DICER1: variants seen among roughly 807,000 people sequenced by gnomAD.
DICER1 encodes the protein endoribonuclease Dicer.
Under a neutral mutation model 194.1 loss-of-function variants are expected in DICER1, and 43 were observed. The ratio of observed to expected loss-of-function variants is 0.22; its 90% confidence interval spans 0.17 to 0.29. DICER1 has a LOEUF of 0.29. DICER1 is among the 10% of genes least tolerant of loss of function. The pLI, the probability that DICER1 is intolerant of heterozygous loss-of-function variation, is 1.00. For missense variants in DICER1, 1,608 were observed against 2,317.0 expected, an observed-to-expected ratio of 0.69 and a Z score of 6.28; for synonymous variants, 832 against 820.5, an observed-to-expected ratio of 1.01 and a Z score of -0.24.
intron 15 of DICER1, 52 bp from the exon 16 acceptor site, chr14:95,108,145 C>T (rs772362287): frequency 1.4e-6 from 2 of 1,436,238 alleles, no homozygotes; most frequent in Non-Finnish European, 2.0e-6. Context: ...GTATTTTATT[C>T]CATTACAGTT....
At chr14:95,112,022 C>A in intron 13 of DICER1, 150 bp downstream of exon 13, 1 of 716,384 alleles carries the variant, frequency 1.4e-6, no homozygotes, top group Non-Finnish European at 2.5e-6. Context: ...AAGTTACTAA[C>A]ACTTATGTTT....
intron 24 of DICER1, among the ~76,000 whole-genome samples, chr14:95,091,854 A>AT (rs1472715230): frequency 4.6e-5 from 7 of 152,222 alleles, no homozygotes; most frequent in South Asian, 2.1e-4. Flanking sequence ...TATTTGAAAG[A>AT]TTTTTTCCTC....
At chr14:95,139,618 T>C (rs932047914) in intron 1 of DICER1, among the ~76,000 whole-genome samples, 1 of 152,242 alleles carries the variant, frequency 6.6e-6, no homozygotes, top group Admixed American at 6.5e-5. Flanking sequence ...CAATGTTCTG[T>C]ATATACATTT....
At chr14:95,148,685 A>T (rs1457750766) in intron 1 of DICER1, among the ~76,000 whole-genome samples, 1 of 152,226 alleles carries the variant, frequency 6.6e-6, no homozygotes, top group Non-Finnish European at 1.5e-5. Context: ...CACCCATCAA[A>T]GATCTCCATA....
At chr14:95,142,997 CATT>C (rs1216564773) in intron 1 of DICER1, among the ~76,000 whole-genome samples, 2 of 152,138 alleles carry the variant, frequency 1.3e-5, no homozygotes, top group Admixed American at 6.5e-5. Context: ...CAGATTCTGA[CATT>C]ATTAACTTTG....
intron 3 of DICER1, 43 bp from the exon 4 acceptor site, chr14:95,131,682 G>A: frequency 6.3e-7 from 1 of 1,583,268 alleles, no homozygotes; most frequent in Non-Finnish European, 8.7e-7. Flanking sequence ...GAGAAATCTT[G>A]CCTAGTTGGC....
At chr14:95,151,768 G>A (rs150291349) in intron 1 of DICER1, among the ~76,000 whole-genome samples, 105 of 152,258 alleles carry the variant, frequency 6.9e-4, no homozygotes, top group African/African-American at 2.5e-3. Context: ...GCAGCAGGAT[G>A]CATAAGAGGC....
chr14:95,099,651 ATTAT>A, intron 22 of DICER1, 125 bp downstream of exon 22: 1 of 1,226,514 alleles, frequency 8.2e-7, no homozygotes, highest in Admixed American at 2.7e-5. Context: ...TATCTACTCT[ATTAT>A]AAACATACCA....
chr14:95,105,976 T>C lies in DICER1; in HGVS notation c.2987+65A>G, dbSNP rs1891383796. 2 of 1,550,696 alleles carry C rather than the reference T, an allele frequency of 1.3e-6. No homozygotes were observed. Among genetic ancestry groups the C allele is most frequent in the South Asian group, 2.2e-5 (2 of 89,386 alleles). On this transcript the variant is annotated intron_variant, in intron 18 of 26. Transcript: ENST00000343455. This position sits in a 1 kb window ranked among gnomAD's most constrained non-coding sequence, Gnocchi z 4.9. ...GGCAGGGGGACAGTGAACCTCTGCA[T>C]GTCTAGTGATGTCTGGTAAGAATCC...
intron 24 of DICER1, 89 bp from the exon 25 acceptor site, chr14:95,091,454 TTTTGTTACTTC>T: frequency 2.5e-6 from 3 of 1,209,674 alleles, no homozygotes; most frequent in Non-Finnish European, 3.7e-6. Flanking sequence ...GATATATGAC[TTTTGTTACTTC>T]TTTAGTAAGG....
chr14:95,117,200 GTT>G (rs879940261), intron 9 of DICER1, among the ~76,000 whole-genome samples: 2 of 142,254 alleles, frequency 1.4e-5, no homozygotes, highest in African/African-American at 5.3e-5. Flanking sequence ...ATATAGTGCT[GTT>G]TTTTTTTTTA....
rs993795610 is a variant in DICER1, at chr14:95,087,267, T to C, written c.*3231A>G. 7 of 233,320 alleles carry C rather than the reference T, an allele frequency of 3.0e-5. No individual in the cohort carries two copies. Among genetic ancestry groups the C allele is most frequent in the South Asian group, 3.6e-4 (2 of 5,522 alleles). 14.5% of individuals were successfully genotyped at this position (233,320 alleles called of 1,614,324 possible). ...TATTATTAACAAATAAAAATATCAG[T>C]ATTTTAAAAGACAATTACAGGAGTG... On this transcript the variant is annotated 3_prime_UTR_variant, in exon 27 of 27. Coordinates refer to ENST00000343455, the MANE Select transcript of DICER1 (RefSeq NM_177438.3).
chr14:95,132,995 T>A (rs138226745), intron 2 of DICER1, among the ~76,000 whole-genome samples: 5 of 152,312 alleles, frequency 3.3e-5, no homozygotes, highest in African/African-American at 1.2e-4. Flanking sequence ...GTTCTGCCAG[T>A]TCATGGCTGA....
intron 1 of DICER1, among the ~76,000 whole-genome samples, chr14:95,135,948 A>C (rs1361803145): frequency 3.3e-5 from 5 of 152,222 alleles, no homozygotes; most frequent in Non-Finnish European, 5.9e-5. Flanking sequence ...AAATTCCCTG[A>C]AGTTGATATA....
At chr14:95,109,042 TCA>T (rs1251065907) in intron 14 of DICER1, among the ~76,000 whole-genome samples, 1 of 152,202 alleles carries the variant, frequency 6.6e-6, no homozygotes, top group Non-Finnish European at 1.5e-5. Context: ...ACAAATAAAA[TCA>T]CACAACACTG....
intron 8 of DICER1, among the ~76,000 whole-genome samples, chr14:95,122,926 G>A (rs534837316): frequency 1.3e-5 from 2 of 151,666 alleles, no homozygotes; most frequent in African/African-American, 4.8e-5. Context: ...GCGTGTGCGC[G>A]TGCGTGTACG....
At chr14:95,151,494 C>CT (rs201417242) in intron 1 of DICER1, among the ~76,000 whole-genome samples, 3 of 152,012 alleles carry the variant, frequency 2.0e-5, no homozygotes, top group East Asian at 3.9e-4. Flanking sequence ...TAAGAAACTC[C>CT]TTTTTTTTCT....
At chr14:95,118,180 C>G (rs916754777) in intron 8 of DICER1, among the ~76,000 whole-genome samples, 1 of 152,192 alleles carries the variant, frequency 6.6e-6, no homozygotes, top group African/African-American at 2.4e-5. Flanking sequence ...CTCAACTCAA[C>G]ACCCTTCTCT....
At chr14:95,102,285 A>C (rs1386921368) in intron 21 of DICER1, among the ~76,000 whole-genome samples, 1 of 152,164 alleles carries the variant, frequency 6.6e-6, no homozygotes, top group East Asian at 1.9e-4. Context: ...TATGCTTTTC[A>C]ACTCACACTA....
Sources: gnomAD v4.1 joint callset for allele counts (sites outside exome capture counted in the v4.1 genomes callset) on GRCh38, gnomAD v4.1.1 for gene constraint, Gnocchi (gnomAD v3.1) non-coding constraint, MANE v1.5 for transcripts, NCBI Gene and HGNC (gene_info 2026-07-23, HGNC 2026-07-21) for gene names.